Variants in UBE2F observed in about 807,000 individuals in gnomAD.
The protein encoded by UBE2F is NEDD8-conjugating enzyme UBE2F.
Under a neutral mutation model 29.6 loss-of-function variants are expected in UBE2F, and 5 were observed. That is an observed-to-expected ratio of 0.17 (90% CI 0.09 to 0.36). UBE2F has a LOEUF of 0.36. UBE2F is among the 10% of genes least tolerant of loss of function. The pLI is 1.00. For missense variants in UBE2F, 141 were observed against 228.5 expected, an observed-to-expected ratio of 0.62 and a Z score of 2.47; for synonymous variants, 66 against 81.8, an observed-to-expected ratio of 0.81 and a Z score of 1.04.
At chr2:238,036,629 G>T (rs1259173661) in intron 9 of UBE2F, among the ~76,000 whole-genome samples, 1 of 152,164 alleles carries the variant, frequency 6.6e-6, no homozygotes, top group Non-Finnish European at 1.5e-5. Flanking sequence ...GAGCTCAGGA[G>T]TTTGAGACCA....
intron 1 of UBE2F, among the ~76,000 whole-genome samples, chr2:237,969,704 T>C (rs2063134286): frequency 6.6e-6 from 1 of 152,174 alleles, no homozygotes; most frequent in South Asian, 2.1e-4. Context: ...CACTGTTCCA[T>C]GACAAGGAAT....
intron 4 of UBE2F, among the ~76,000 whole-genome samples, chr2:238,002,798 T>C (rs1007284380): frequency 1.5e-4 from 22 of 149,964 alleles, no homozygotes; most frequent in Admixed American, 1.2e-3. Flanking sequence ...TATTTATTTA[T>C]TTTTTTTATT....
chr2:238,032,072 A>T, intron 7 of UBE2F, 150 bp from the exon 8 acceptor site: 1 of 632,726 alleles, frequency 1.6e-6, no homozygotes, highest in South Asian at 2.0e-5. Flanking sequence ...ACACTTGAAG[A>T]GAAGTTATTT....
chr2:238,022,305 A>G (rs573674025), intron 5 of UBE2F, among the ~76,000 whole-genome samples: 17 of 152,182 alleles, frequency 1.1e-4, no homozygotes, highest in African/African-American at 4.1e-4. Flanking sequence ...CGGATGCTGA[A>G]TAGTATTTCC....
chr2:237,985,696 T>C (rs999837499), intron 2 of UBE2F, among the ~76,000 whole-genome samples: 3 of 152,248 alleles, frequency 2.0e-5, no homozygotes, highest in Non-Finnish European at 4.4e-5. Context: ...CTGATTTTGT[T>C]GTCTTTGGGT....
At chr2:237,978,108 G>A (rs2063317012) in intron 2 of UBE2F, among the ~76,000 whole-genome samples, 1 of 152,184 alleles carries the variant, frequency 6.6e-6, no homozygotes, top group African/African-American at 2.4e-5. Context: ...TCCCCAGTCT[G>A]GTGAGATAGT....
intron 5 of UBE2F, among the ~76,000 whole-genome samples, chr2:238,017,789 C>T (rs2064194601): frequency 1.3e-5 from 2 of 152,164 alleles, no homozygotes; most frequent in South Asian, 4.1e-4. Flanking sequence ...GAAAAGGAAG[C>T]CTCACTCCCA....
intron 3 of UBE2F, among the ~76,000 whole-genome samples, chr2:237,991,410 T>G (rs1397323760): frequency 4.6e-5 from 7 of 152,198 alleles, no homozygotes. Context: ...TTTGGAGCTC[T>G]GCACATGCAA....
intron 5 of UBE2F, among the ~76,000 whole-genome samples, chr2:238,017,972 C>T (rs1044554806): frequency 8.5e-5 from 13 of 152,198 alleles, no homozygotes; most frequent in African/African-American, 2.2e-4. Flanking sequence ...GACTTTTTAC[C>T]GGACTACTCC....
chr2:237,974,930 T>C (rs2063248969), intron 2 of UBE2F, among the ~76,000 whole-genome samples: 1 of 151,458 alleles, frequency 6.6e-6, no homozygotes, highest in South Asian at 2.1e-4. Flanking sequence ...ATTGCAAGTG[T>C]GAGCCACTGT....
intron 6 of UBE2F, among the ~76,000 whole-genome samples, chr2:238,026,929 C>T (rs946605954): frequency 2.0e-5 from 3 of 152,194 alleles, no homozygotes; most frequent in East Asian, 1.9e-4. Flanking sequence ...ATTCCACTAT[C>T]TTTGGTTGCA....
intron 4 of UBE2F, among the ~76,000 whole-genome samples, chr2:238,005,703 A>ACATGACTATATGTGTGTGT (rs996750873): frequency 1.3e-5 from 2 of 151,966 alleles, no homozygotes; most frequent in African/African-American, 4.8e-5. Context: ...TGTTGACATT[A>ACATGACTATATGTGTGTGT]CATGACTATA....
At chr2:238,001,996 G>A (rs1021459712) in intron 4 of UBE2F, among the ~76,000 whole-genome samples, 2 of 151,568 alleles carry the variant, frequency 1.3e-5, no homozygotes, top group African/African-American at 4.9e-5. Flanking sequence ...CATCATGTTT[G>A]GTTTGTTTCA....
At chr2:238,016,489 A>G (rs1559220311) in intron 4 of UBE2F, 77 bp from the exon 5 acceptor site, 1 of 1,292,076 alleles carries the variant, frequency 7.7e-7, no homozygotes, top group Non-Finnish European at 1.1e-6. Flanking sequence ...GCCATATCCT[A>G]ACAGAGTGTT....
chr2:237,974,142 C>T (rs1576587361), intron 2 of UBE2F, among the ~76,000 whole-genome samples: 1 of 149,986 alleles, frequency 6.7e-6, no homozygotes, highest in Non-Finnish European at 1.5e-5. Flanking sequence ...TACGGGCACC[C>T]GCCACCACGC....
intron 4 of UBE2F, among the ~76,000 whole-genome samples, chr2:238,014,186 C>T (rs2064104065): frequency 1.3e-5 from 2 of 152,320 alleles, no homozygotes; most frequent in East Asian, 1.9e-4. Context: ...GTCCAGTCTG[C>T]TCCCAAGCTG....
At chr2:238,015,755 G>A (rs2064137201) in intron 4 of UBE2F, among the ~76,000 whole-genome samples, 1 of 152,158 alleles carries the variant, frequency 6.6e-6, no homozygotes. Flanking sequence ...TGCTAATTCT[G>A]TCAAATTTGA....
At chr2:238,019,673 T>TTTTTTA (rs56386824) in intron 5 of UBE2F, among the ~76,000 whole-genome samples, 6 of 147,700 alleles carry the variant, frequency 4.1e-5, no homozygotes, top group Admixed American at 1.4e-4. Context: ...TTTTTTTTTT[T>TTTTTTA]AATGAGATGG....
At chr2:238,002,614 G>GT (rs1294278612) in intron 4 of UBE2F, among the ~76,000 whole-genome samples, 1 of 151,488 alleles carries the variant, frequency 6.6e-6, no homozygotes, top group African/African-American at 2.4e-5. Flanking sequence ...TGAACATTTT[G>GT]TTTTTTTGTT....
Sources: allele counts gnomAD v4.1 joint callset (sites outside exome capture counted in the v4.1 genomes callset), GRCh38; gene constraint gnomAD v4.1.1; transcripts MANE v1.5; gene names NCBI Gene and HGNC (gene_info 2026-07-23, HGNC 2026-07-21).